Variants in CKAP5 observed in about 807,000 individuals in gnomAD.
CKAP5 encodes cytoskeleton-associated protein 5.
Under a neutral mutation model 232.8 loss-of-function variants are expected in CKAP5, and 27 were observed. The ratio of observed to expected loss-of-function variants is 0.12; its 90% CI spans 0.09 to 0.16. The LOEUF (loss-of-function observed/expected upper bound fraction) is 0.16. Among genes scored for constraint, CKAP5 ranks in the 10% least tolerant of loss-of-function variants. CKAP5 has a pLI of 1.00. For missense variants in CKAP5, 1,838 were observed against 2,424.7 expected, an observed-to-expected ratio of 0.76 and a Z score of 5.08; for synonymous variants, 785 against 841.1, an observed-to-expected ratio of 0.93 and a Z score of 1.16.
At chr11:46,819,614 A>C (rs1166952325) in intron 2 of CKAP5, among the ~76,000 whole-genome samples, 1 of 152,134 alleles carries the variant, frequency 6.6e-6, no homozygotes, top group Non-Finnish European at 1.5e-5. Context: ...AACAGAAATA[A>C]TTTACATGTT....
At chr11:46,752,745 T>G (rs1420385830) in intron 37 of CKAP5, 35 bp from the exon 38 acceptor site, 3 of 1,528,526 alleles carry the variant, frequency 2.0e-6, no homozygotes, top group Non-Finnish European at 2.7e-6. Context: ...GCATTAAGTT[T>G]CAAACCTGCA....
rs755093929 is a variant in CKAP5, at chr11:46,751,333, G to A, written c.5322+13C>T. 1.3e-5 allele frequency: 21 copies of A among 1,613,734 alleles called. No individual in the cohort carries two copies. In the Admixed American group the frequency reaches 1.8e-4, roughly 14 times the overall value. Reference sequence around the variant, plus strand: ...TCAAGCTCCCTCAGAGACCAGTTGCGATTCTTACTCACCTTGGGCCCTTTT... The same window carrying A: ...TCAAGCTCCCTCAGAGACCAGTTGCAATTCTTACTCACCTTGGGCCCTTTT... On this transcript the variant is annotated intron_variant, in intron 39 of 43. Transcript: ENST00000529230.
chr11:46,777,351 C>T, intron 23 of CKAP5, 88 bp downstream of exon 23: 2 of 755,120 alleles, frequency 2.6e-6, no homozygotes, highest in Non-Finnish European at 4.6e-6. Context: ...CAGGTCTTTA[C>T]ATGACTCTAA....
chr11:46,769,775 A>G (rs1268094538), intron 26 of CKAP5, among the ~76,000 whole-genome samples, 188 bp downstream of exon 26: 2 of 152,224 alleles, frequency 1.3e-5, no homozygotes, highest in Non-Finnish European at 2.9e-5. Flanking sequence ...CCCTTAGTAC[A>G]GTTCCTGGCA....
chr11:46,832,938 C>T (rs1433518057), intron 1 of CKAP5, among the ~76,000 whole-genome samples: 5 of 151,566 alleles, frequency 3.3e-5, no homozygotes, highest in African/African-American at 1.2e-4. Flanking sequence ...GCCTGGGTGA[C>T]ACAGCAAGAG....
At chr11:46,843,685 G>A (rs1940112800) in intron 1 of CKAP5, among the ~76,000 whole-genome samples, 1 of 142,644 alleles carries the variant, frequency 7.0e-6, no homozygotes, top group South Asian at 2.2e-4. Context: ...ACCCATAATA[G>A]CAGCACTGCA....
At chr11:46,813,216 A>G (rs921866898) in intron 4 of CKAP5, among the ~76,000 whole-genome samples, 3 of 152,206 alleles carry the variant, frequency 2.0e-5, no homozygotes, top group African/African-American at 7.2e-5. Flanking sequence ...TAAAAAAATT[A>G]CATTTTAACT....
chr11:46,768,799 A>G (rs1376233552), intron 26 of CKAP5, among the ~76,000 whole-genome samples: 2 of 151,960 alleles, frequency 1.3e-5, no homozygotes, highest in Non-Finnish European at 2.9e-5. Flanking sequence ...TCAGGCTGTA[A>G]AATTTCTAAC....
At chr11:46,785,277 G>A (rs765588542) in intron 16 of CKAP5, among the ~76,000 whole-genome samples, 1 of 151,898 alleles carries the variant, frequency 6.6e-6, no homozygotes, top group Admixed American at 6.6e-5. Flanking sequence ...TTTTTGTTAC[G>A]CCACTAGAAA....
At chr11:46,753,883 C>T (rs984077021) in intron 36 of CKAP5, among the ~76,000 whole-genome samples, 2 of 151,242 alleles carry the variant, frequency 1.3e-5, no homozygotes, top group Non-Finnish European at 2.9e-5. Flanking sequence ...TGAGCCACCG[C>T]GCCCGGCTAT....
intron 9 of CKAP5, among the ~76,000 whole-genome samples, chr11:46,800,706 T>C (rs1939006125): frequency 6.6e-6 from 1 of 152,200 alleles, no homozygotes; most frequent in Non-Finnish European, 1.5e-5. Flanking sequence ...ATATATAACA[T>C]TGTAACCTAT....
At chr11:46,753,144 T>A in intron 37 of CKAP5, 166 bp downstream of exon 37, 1 of 522,840 alleles carries the variant, frequency 1.9e-6, no homozygotes, top group Non-Finnish European at 3.3e-6. Flanking sequence ...ACTTAAAGTT[T>A]TAACTGATAT....
rs1197398998 is a variant in CKAP5, at chr11:46,808,077, T to C, written c.932A>G (p.Lys311Arg). 6.2e-7 allele frequency: 1 copy of C among 1,614,070 alleles called. No individual in the cohort carries two copies. The highest frequency in any genetic ancestry group is 8.5e-7 in the Non-Finnish European group (1 of 1,180,000). The change falls in exon 8 of 44, where the codon AAA becomes AGA. Residue 311 changes from lysine to arginine, a missense_variant. Lys to Arg is a conservative substitution (Grantham distance 26). Coordinates refer to ENST00000529230, the MANE Select transcript of CKAP5 (RefSeq NM_001008938.4). ...ATCTGCATAATCGCCAGCTTCCAGT[T>C]TGGGGTTTTTTATTAGTACTTCTAC... is the stretch of plus-strand genomic sequence containing the variant. ...ESVEVLIKNP[K>R]LEAGDYADLV...
Position 46,790,708 on chromosome 11 carries a change from G to A in CKAP5, c.1651-125C>T, listed in dbSNP as rs186843587. 9.9e-3 allele frequency: 6,400 copies of A among 644,760 alleles called. 50 individuals carry two copies. Among genetic ancestry groups the A allele is most frequent in the Non-Finnish European group, 0.015 (5,573 of 380,876 alleles). The allele number at this position is 644,760 out of a possible 1,614,324, so 39.9% of individuals were successfully genotyped here. A position where few individuals can be genotyped will look rare whatever the true frequency, so the allele number is the denominator to read the frequency against. ...TCGAGCCTGGAATGCAGCTGCACAA[G>A]CTCAGCTTGCTACAGGTTCAACCTC... On this transcript the variant is annotated intron_variant, in intron 13 of 43. Transcript: ENST00000529230.
At chr11:46,765,284 T>C in intron 27 of CKAP5, 28 bp from the exon 28 acceptor site, 1 of 1,579,950 alleles carries the variant, frequency 6.3e-7, no homozygotes, top group Non-Finnish European at 8.6e-7. Flanking sequence ...GGAATACTGA[T>C]TAGCTTGGCC....
intron 1 of CKAP5, among the ~76,000 whole-genome samples, chr11:46,825,970 TA>T (rs999967885): frequency 1.5e-4 from 22 of 148,322 alleles, no homozygotes; most frequent in African/African-American, 3.2e-4. Flanking sequence ...TCCCTCAAAT[TA>T]AAAAAAAAAC....
At chr11:46,799,708 T>A (rs1307417907) in intron 9 of CKAP5, among the ~76,000 whole-genome samples, 1 of 152,170 alleles carries the variant, frequency 6.6e-6, no homozygotes, top group Non-Finnish European at 1.5e-5. Flanking sequence ...TAAATTAAAA[T>A]GAATTTTAGG....
intron 1 of CKAP5, among the ~76,000 whole-genome samples, chr11:46,831,645 C>T (rs1019487593): frequency 8.5e-5 from 13 of 152,212 alleles, no homozygotes; most frequent in South Asian, 2.1e-4. Flanking sequence ...CCTCCTGCCT[C>T]AGCCTCCTGA....
Position 46,744,207 on chromosome 11 carries a change from G to A in CKAP5, c.5915C>T (p.Ala1972Val). 1.2e-6 allele frequency: 2 copies of A among 1,614,152 alleles called. No individual in the cohort carries two copies. Among genetic ancestry groups the A allele is most frequent in the Admixed American group, 1.7e-5 (1 of 60,004 alleles). Residue 1972 changes from alanine to valine, a missense_variant, in exon 44 of 44, where the codon GCC becomes GTC. Ala to Val is a moderately conservative substitution (Grantham distance 64). Transcript: ENST00000529230. Reference sequence around the variant, plus strand: ...GCTGTGGAGCATGTCTGTGGAAGAGGCGACAGTAGGAACTGCTGGTTTGGA... The same window carrying A: ...GCTGTGGAGCATGTCTGTGGAAGAGACGACAGTAGGAACTGCTGGTTTGGA... ...LLSKPAVPTV[A>V]SSTDMLHSKL... is the part of the protein sequence containing the mutation.
Sources: gnomAD v4.1 joint callset for allele counts (sites outside exome capture counted in the v4.1 genomes callset) on GRCh38, gnomAD v4.1.1 for gene constraint, MANE v1.5 for transcripts, NCBI Gene and HGNC (gene_info 2026-07-23, HGNC 2026-07-21) for gene names.